SSU72: variants seen among roughly 807,000 people sequenced by gnomAD.
The protein encoded by SSU72 is RNA polymerase II subunit A C-terminal domain phosphatase SSU72.
SSU72 carries 12 observed loss-of-function variants against 22.7 expected under a neutral mutation model. That is an observed-to-expected ratio of 0.53 (90% CI 0.34 to 0.86). The LOEUF (loss-of-function observed/expected upper bound fraction) is 0.86. Among genes scored for constraint, SSU72 ranks in the 40% least tolerant of loss-of-function variants. The probability of loss-of-function intolerance (pLI) is 0.02; values close to 1 mark genes in which losing one functional copy is unlikely to be tolerated. For synonymous variants in SSU72, 116 were observed against 98.3 expected, an observed-to-expected ratio of 1.18 and a Z score of -1.06; for missense variants, 151 against 249.8, an observed-to-expected ratio of 0.60 and a Z score of 2.67.
intron 2 of SSU72, chr1:1,546,369 C>G (rs959826874): frequency 1.3e-5 from 2 of 152,290 alleles, no homozygotes; most frequent in African/African-American, 2.4e-5. Context: ...ACACCCACCC[C>G]TGACGTGTGT....
In SSU72 at chr1:1,574,655, GGC is replaced by G. The variant is rs70949599; in HGVS notation, c.-100_-99del. The stretch of plus-strand genomic sequence containing the variant: ...ATGGCGGCCGCGGTGGCCGGAAGCG[GGC>G]GACGCGAAACGACGGCGCCGGCGGT... On this transcript the variant is annotated 5_prime_UTR_variant, in exon 1 of 5. Transcript: ENST00000291386. 0.35 allele frequency: 442,530 copies of G among 1,264,924 alleles called. 95,452 individuals carry two copies. Among genetic ancestry groups the G allele is most frequent in the East Asian group, 0.85 (26,889 of 31,768 alleles). 78.4% of individuals were successfully genotyped at this position (1,264,924 alleles called of 1,614,324 possible).
In SSU72 at chr1:1,543,988, C is replaced by G; in HGVS notation, c.365-1G>C. On this transcript the variant is annotated splice_acceptor_variant, in intron 3 of 4. Coordinates refer to ENST00000291386, the MANE Select transcript of SSU72 (RefSeq NM_014188.3). LOFTEE classifies it high-confidence loss of function. The stretch of plus-strand genomic sequence containing the variant: ...GTCTCCTGTTCTCTGGAATTCAGAT[C>G]TGATTGGGACAAGGTGACACAGACG... 6.2e-7 allele frequency: 1 copy of G among 1,610,568 alleles called. No homozygotes were observed. The highest frequency in any genetic ancestry group is 8.5e-7 in the Non-Finnish European group (1 of 1,177,442).
chr1:1,551,887 G>A (rs541071024), intron 2 of SSU72, among the ~76,000 whole-genome samples: 5 of 152,300 alleles, frequency 3.3e-5, no homozygotes, highest in Non-Finnish European at 5.9e-5. Context: ...ACAATGGCCC[G>A]GTGTGGGCAG....
Position 1,542,442 on chromosome 1 carries a change from G to A in SSU72, c.484-275C>T, listed in dbSNP as rs906015986. 3.3e-5 allele frequency among the ~76,000 whole-genome samples: 5 copies of A among 152,154 alleles called. No homozygotes were observed. Among genetic ancestry groups the A allele is most frequent in the African/African-American group, 4.8e-5 (2 of 41,422 alleles). On this transcript the variant is annotated intron_variant, in intron 4 of 4. Coordinates refer to ENST00000291386, the MANE Select transcript of SSU72 (RefSeq NM_014188.3). The surrounding 1 kb of genome is among the most constrained non-coding windows in gnomAD (Gnocchi z 4.4). ...CTGGATTCTGAGAGGGGCCCAGCAC[G>A]GAGACCTGGCGGCCAGGGCTCAGAC...
At chr1:1,563,955 G>C (rs546970645) in intron 2 of SSU72, 1 of 152,584 alleles carries the variant, frequency 6.6e-6, no homozygotes, top group East Asian at 1.9e-4. Flanking sequence ...GGAGAGGGCG[G>C]GGATGGCAAC....
chr1:1,553,619 CAAAAAAAAAAAA>C (rs59261076), intron 2 of SSU72, among the ~76,000 whole-genome samples: 121 of 100,810 alleles, frequency 1.2e-3, no homozygotes, highest in Non-Finnish European at 2.0e-3. Flanking sequence ...ACTAAAAATA[CAAAAAAAAAAAA>C]AAAAAAAAAA....
intron 1 of SSU72, among the ~76,000 whole-genome samples, chr1:1,568,086 C>T (rs1284885440): frequency 2.6e-5 from 4 of 152,120 alleles, no homozygotes; most frequent in African/African-American, 9.7e-5. Flanking sequence ...AAAAGGTTCA[C>T]GAATGGCAAA....
intron 2 of SSU72, among the ~76,000 whole-genome samples, chr1:1,555,525 C>T (rs2100712417): frequency 6.6e-6 from 1 of 152,282 alleles, no homozygotes; most frequent in African/African-American, 2.4e-5. Context: ...ACAAGAACAG[C>T]CGAGTGTGCC....
intron 1 of SSU72, among the ~76,000 whole-genome samples, chr1:1,573,429 CAAAAAA>C (rs56930035): frequency 8.4e-4 from 90 of 107,538 alleles, no homozygotes; most frequent in African/African-American, 2.1e-3. Context: ...GACTCTGTCT[CAAAAAA>C]AAAAAAAAAA....
chr1:1,545,056 G>A, intron 2 of SSU72, 54 bp from the exon 3 acceptor site: 1 of 1,581,100 alleles, frequency 6.3e-7, no homozygotes, highest in Non-Finnish European at 8.6e-7. Context: ...TATGAAGCCT[G>A]GAAGCGCCTG....
chr1:1,549,518 C>CAA (rs57552661), intron 2 of SSU72, among the ~76,000 whole-genome samples: 10 of 100,842 alleles, frequency 9.9e-5, no homozygotes, highest in African/African-American at 2.9e-4. Flanking sequence ...GACTCTGTCT[C>CAA]AAAAAAAAAA....
At chr1:1,545,293 C>T in intron 2 of SSU72, 1 of 413,942 alleles carries the variant, frequency 2.4e-6, no homozygotes, top group Non-Finnish European at 4.5e-6. Context: ...AGCATGACAC[C>T]TTCTACCCAG....
At position 1,554,887 on chromosome 1, in the gene SSU72, C is replaced by A. The variant is rs1394030385; in HGVS notation, c.225-9885G>T. Among the ~76,000 whole-genome samples the A allele has an allele frequency of 6.6e-6, 1 of 152,156 alleles. No homozygotes were observed. Among genetic ancestry groups the A allele is most frequent in the Non-Finnish European group, 1.5e-5 (1 of 68,032 alleles). On this transcript the variant is annotated intron_variant, in intron 2 of 4. Coordinates refer to ENST00000291386, the MANE Select transcript of SSU72 (RefSeq NM_014188.3). The surrounding 1 kb of genome is among the most constrained non-coding windows in gnomAD (Gnocchi z 4.1). ...CACCTCAGCTCCTGGCCCTCAGCCT[C>A]TCCTTTGCAAACCGTGGCTGGCAGC...
At chr1:1,573,387 G>A (rs1243655050) in intron 1 of SSU72, among the ~76,000 whole-genome samples, 2 of 145,292 alleles carry the variant, frequency 1.4e-5, no homozygotes, top group Non-Finnish European at 3.0e-5. Flanking sequence ...CCGAGATCGC[G>A]CTACTGCACT....
intron 1 of SSU72, among the ~76,000 whole-genome samples, chr1:1,573,016 C>A (rs1367598670): frequency 1.3e-5 from 2 of 151,478 alleles, no homozygotes; most frequent in East Asian, 3.9e-4. Flanking sequence ...TGGCCGGATG[C>A]GGTGGCTGAC....
intron 4 of SSU72, among the ~76,000 whole-genome samples, chr1:1,543,155 G>A (rs895798422): frequency 6.6e-6 from 1 of 152,244 alleles, no homozygotes; most frequent in East Asian, 1.9e-4. Flanking sequence ...GGTGGCTACA[G>A]AAGCCTTGGG....
chr1:1,541,704 G>A lies in SSU72; in HGVS notation c.*362C>T. The A allele has an allele frequency of 4.1e-6, 1 of 246,250 alleles. No homozygotes were observed. Among genetic ancestry groups the A allele is most frequent in the Non-Finnish European group, 8.1e-6 (1 of 123,736 alleles). 15.3% of individuals were successfully genotyped at this position (246,250 alleles called of 1,614,324 possible). On this transcript the variant is annotated 3_prime_UTR_variant, in exon 5 of 5. Transcript: ENST00000291386. ...CAGCATCTGTTTATTGACAATTCCA[G>A]GTCATTCCTAACACGCCGCAGCAGG...
chr1:1,558,845 A>G (rs1642551205), intron 2 of SSU72, among the ~76,000 whole-genome samples: 1 of 152,190 alleles, frequency 6.6e-6, no homozygotes, highest in African/African-American at 2.4e-5. Context: ...GGGCTGAGTG[A>G]CACTTCACTA....
chr1:1,546,860 CAAAAAA>C (rs1169308811), intron 2 of SSU72, among the ~76,000 whole-genome samples: 8 of 75,148 alleles, frequency 1.1e-4, no homozygotes, highest in African/African-American at 2.7e-4. Flanking sequence ...ACAACAACAA[CAAAAAA>C]AAAAAAAAAA....
Sources: gnomAD v4.1 joint callset for allele counts (sites outside exome capture counted in the v4.1 genomes callset) on GRCh38, gnomAD v4.1.1 for gene constraint, Gnocchi (gnomAD v3.1) non-coding constraint, MANE v1.5 for transcripts, NCBI Gene and HGNC (gene_info 2026-07-23, HGNC 2026-07-21) for gene names.